TYW1B: variants seen among roughly 807,000 people sequenced by gnomAD.
TYW1B encodes tRNA-yW synthesizing protein 1 homolog B, also known as S-adenosyl-L-methionine-dependent tRNA 4-demethylwyosine synthase TYW1B.
TYW1B carries 73 observed loss-of-function variants against 86.9 expected under a neutral mutation model. The ratio of observed to expected loss-of-function variants is 0.84; its 90% CI spans 0.70 to 1.02. TYW1B has a LOEUF of 1.02. Among genes scored for constraint, TYW1B ranks in the 50% least tolerant of loss-of-function variants. TYW1B has a pLI of 0.00. For synonymous variants in TYW1B, 248 were observed against 292.8 expected, an observed-to-expected ratio of 0.85 and a Z score of 1.56; for missense variants, 637 against 827.4, an observed-to-expected ratio of 0.77 and a Z score of 2.82.
At chr7:72,691,723 C>T (rs1284621967) in intron 11 of TYW1B, among the ~76,000 whole-genome samples, 2 of 152,070 alleles carry the variant, frequency 1.3e-5, no homozygotes, top group Non-Finnish European at 2.9e-5. Context: ...AATCCAAGAC[C>T]GCTTAGAAAC....
chr7:72,643,599 GA>G (rs1164566096), intron 11 of TYW1B, among the ~76,000 whole-genome samples: 9 of 144,644 alleles, frequency 6.2e-5, no homozygotes, highest in African/African-American at 1.0e-4. Context: ...AAGAAAAAAA[GA>G]AAAAAAAAAG....
At chr7:72,700,090 A>G (rs1217237369) in intron 10 of TYW1B, among the ~76,000 whole-genome samples, 7 of 149,014 alleles carry the variant, frequency 4.7e-5, no homozygotes, top group Non-Finnish European at 3.0e-5. Flanking sequence ...ACTTTTGGGC[A>G]CATGGGATAA....
intron 6 of TYW1B, among the ~76,000 whole-genome samples, chr7:72,792,676 A>G (rs1443903801): frequency 1.3e-5 from 2 of 152,236 alleles, no homozygotes; most frequent in African/African-American, 2.4e-5. Context: ...AATATGAGCA[A>G]GAGTATCCAT....
intron 9 of TYW1B, among the ~76,000 whole-genome samples, chr7:72,719,631 CAAA>C (rs67560586): frequency 4.6e-5 from 3 of 65,056 alleles, no homozygotes; most frequent in South Asian, 7.7e-4. Flanking sequence ...ATTCCGTCTC[CAAA>C]AAAAAAAAAA....
intron 8 of TYW1B, among the ~76,000 whole-genome samples, chr7:72,732,273 A>C (rs2960995): frequency 0.69 from 105,108 of 151,440 alleles, 37,303 homozygotes; most frequent in Non-Finnish European, 0.77. Flanking sequence ...AAACCATAGG[A>C]CAAACTGACC....
chr7:72,712,392 G>A (rs191312319), intron 10 of TYW1B, among the ~76,000 whole-genome samples: 1 of 152,064 alleles, frequency 6.6e-6, no homozygotes, highest in Admixed American at 6.6e-5. Context: ...GCAATGGTGC[G>A]ATCTCGGCTC....
chr7:72,709,034 T>C (rs1814679371), intron 10 of TYW1B, among the ~76,000 whole-genome samples: 1 of 152,220 alleles, frequency 6.6e-6, no homozygotes, highest in Non-Finnish European at 1.5e-5. Flanking sequence ...ACACACATTA[T>C]TCCCAAGCCA....
At chr7:72,590,508 G>A (rs1328338662) in intron 13 of TYW1B, among the ~76,000 whole-genome samples, 1 of 152,044 alleles carries the variant, frequency 6.6e-6, no homozygotes, top group East Asian at 1.9e-4. Context: ...ACCTTTGGGA[G>A]GTGTACATTA....
intron 7 of TYW1B, among the ~76,000 whole-genome samples, chr7:72,756,216 ATTTTAT>A (rs1450373737): frequency 7.4e-6 from 1 of 134,330 alleles, no homozygotes; most frequent in Non-Finnish European, 1.6e-5. Context: ...ATTTTATTTT[ATTTTAT>A]TTTATTTTAT....
intron 13 of TYW1B, among the ~76,000 whole-genome samples, chr7:72,612,925 T>C (rs1303451365): frequency 2.0e-5 from 3 of 152,082 alleles, no homozygotes; most frequent in Non-Finnish European, 4.4e-5. Flanking sequence ...AATTTTTCTA[T>C]TTTTAAATAG....
chr7:72,682,542 C>A (rs578074358), intron 11 of TYW1B, among the ~76,000 whole-genome samples: 20 of 152,284 alleles, frequency 1.3e-4, no homozygotes, highest in South Asian at 8.3e-4. Flanking sequence ...AAGCTGTGAG[C>A]CTTATACTAT....
At chr7:72,590,373 G>C (rs1811369190) in intron 13 of TYW1B, among the ~76,000 whole-genome samples, 1 of 152,176 alleles carries the variant, frequency 6.6e-6, no homozygotes, top group South Asian at 2.1e-4. Context: ...TTCTTGTCAT[G>C]GAAGGGCGGA....
At chr7:72,729,059 A>C in intron 8 of TYW1B, 128 bp from the exon 9 acceptor site, 1 of 773,526 alleles carries the variant, frequency 1.3e-6, no homozygotes, top group Non-Finnish European at 2.1e-6. Flanking sequence ...GAGTTCAACC[A>C]CGTATAGTGG....
intron 12 of TYW1B, among the ~76,000 whole-genome samples, chr7:72,620,824 G>A (rs540882959): frequency 1.3e-5 from 2 of 152,308 alleles, no homozygotes; most frequent in East Asian, 3.9e-4. Context: ...AGAACAGTCT[G>A]AAGAAAATAG....
chr7:72,675,781 A>G (rs1489125721), intron 11 of TYW1B, among the ~76,000 whole-genome samples: 1 of 152,082 alleles, frequency 6.6e-6, no homozygotes, highest in African/African-American at 2.4e-5. Context: ...AAAAAAAGCC[A>G]ATTTATAATA....
intron 9 of TYW1B, among the ~76,000 whole-genome samples, chr7:72,715,963 C>T (rs1163795298): frequency 6.6e-6 from 1 of 152,182 alleles, no homozygotes; most frequent in Non-Finnish European, 1.5e-5. Flanking sequence ...TGGAGTTGCG[C>T]TCCATCACCC....
chr7:72,703,292 G>A (rs1288333695), intron 10 of TYW1B, among the ~76,000 whole-genome samples: 1 of 151,062 alleles, frequency 6.6e-6, no homozygotes, highest in East Asian at 2.0e-4. Flanking sequence ...CCAAAGTGCT[G>A]GGATTACAGG....
chr7:72,661,050 G>A (rs1383955344), intron 11 of TYW1B, among the ~76,000 whole-genome samples: 3 of 150,940 alleles, frequency 2.0e-5, no homozygotes, highest in Non-Finnish European at 3.0e-5. Context: ...CAGGAGAATC[G>A]CTTGAACCCA....
intron 12 of TYW1B, among the ~76,000 whole-genome samples, chr7:72,619,059 C>T (rs117880944): frequency 0.011 from 1,679 of 152,246 alleles, 20 homozygotes; most frequent in Non-Finnish European, 0.019. Flanking sequence ...CAGACAACTG[C>T]GCATGTCCGA....
Sources: gnomAD v4.1 joint callset for allele counts (sites outside exome capture counted in the v4.1 genomes callset) on GRCh38, gnomAD v4.1.1 for gene constraint, MANE v1.5 for transcripts, NCBI Gene and HGNC (gene_info 2026-07-23, HGNC 2026-07-21) for gene names.